Variants in FANCE observed in about 807,000 individuals in gnomAD.
FANCE encodes Fanconi anemia group E protein.
Under a neutral mutation model 57.8 loss-of-function variants are expected in FANCE, and 42 were observed. The observed-to-expected ratio is 0.73, with a 90% CI of 0.57 to 0.94. The LOEUF is 0.94. Ranked by LOEUF, FANCE falls within the 40% of genes least tolerant of loss-of-function variation. The pLI is 0.00. For synonymous variants in FANCE, 251 were observed against 286.4 expected, an observed-to-expected ratio of 0.88 and a Z score of 1.25; for missense variants, 608 against 661.8, an observed-to-expected ratio of 0.92 and a Z score of 0.89.
intron 5 of FANCE, 81 bp from the exon 6 acceptor site, chr6:35,459,250 C>T (rs1767488015): frequency 1.3e-6 from 2 of 1,555,126 alleles, no homozygotes; most frequent in Non-Finnish European, 8.8e-7. Context: ...TAACATGTAT[C>T]ATCATCTGAA....
At chr6:35,462,682 G>A in intron 8 of FANCE, 107 bp from the exon 9 acceptor site, 1 of 1,492,594 alleles carries the variant, frequency 6.7e-7, no homozygotes, top group Non-Finnish European at 9.2e-7. Flanking sequence ...ACCTGCCCAG[G>A]GTCACCTAGC....
At chr6:35,457,746 G>T in intron 3 of FANCE, 146 bp downstream of exon 3, 1 of 1,122,714 alleles carries the variant, frequency 8.9e-7, no homozygotes. Context: ...GTCTCTGAAG[G>T]AGCTTTTCTT....
intron 8 of FANCE, among the ~76,000 whole-genome samples, chr6:35,461,507 A>C (rs1214541576): frequency 6.6e-6 from 1 of 151,802 alleles, no homozygotes; most frequent in Non-Finnish European, 1.5e-5. Context: ...TTTCCCTCCT[A>C]CTTTTTTGGA....
chr6:35,459,614 G>T (rs767772525), intron 6 of FANCE, 68 bp from the exon 7 acceptor site: 1 of 1,580,932 alleles, frequency 6.3e-7, no homozygotes. Flanking sequence ...TTCTGTTACC[G>T]CCTCCCTGCT....
In FANCE at chr6:35,455,782, A is replaced by T. The variant is rs149097636; in HGVS notation, c.284A>T (p.Gln95Leu). The change falls in exon 2 of 10, where the codon CAG becomes CTG. Residue 95 changes from glutamine (Q) to leucine (L), a missense_variant. Gln to Leu is a moderately radical substitution (Grantham distance 113, BLOSUM62 -2). Coordinates refer to ENST00000229769, the MANE Select transcript of FANCE (RefSeq NM_021922.3). ...PLLLRLPRIC[Q>L]RNLMSLLMAV... ...TTGCTGCGATTGCCCCGGATATGCC[A>T]GAGGAACCTGATGTCCCTGCTGATG... 6.2e-7 allele frequency: 1 copy of T among 1,614,184 alleles called. No homozygotes were observed. Among genetic ancestry groups the T allele is most frequent in the African/African-American group, 1.3e-5 (1 of 75,058 alleles).
chr6:35,456,487 G>GAGACTGGGTTTAGAGTGATCT lies in FANCE; in HGVS notation c.855+134_855+135insAGACTGGGTTTAGAGTGATCT. The GAGACTGGGTTTAGAGTGATCT allele has an allele frequency of 8.3e-7, 1 of 1,202,394 alleles. No homozygotes were observed. The highest frequency in any genetic ancestry group is 1.2e-6 in the Non-Finnish European group (1 of 812,692). 74.5% of individuals were successfully genotyped at this position (1,202,394 alleles called of 1,614,324 possible). A position where few individuals can be genotyped will look rare whatever the true frequency, so the allele number is the denominator to read the frequency against. ...CTGGAGGAAGAAGGAGGAAGGTAGG[G>GAGACTGGGTTTAGAGTGATCT]TTGAGGGAATGTAGCCTCCACTCTA... On this transcript the variant is annotated intron_variant, in intron 2 of 9. Coordinates refer to ENST00000229769, the MANE Select transcript of FANCE (RefSeq NM_021922.3). The surrounding 1 kb of genome is among the most constrained non-coding windows in gnomAD (Gnocchi z 4.3).
At chr6:35,457,714 C>A in intron 3 of FANCE, 114 bp downstream of exon 3, 2 of 1,273,512 alleles carry the variant, frequency 1.6e-6, no homozygotes, top group East Asian at 2.4e-5. Context: ...GGGAGGGGGA[C>A]TGGAGTAAAG....
intron 1 of FANCE, 60 bp downstream of exon 1, chr6:35,452,853 GAC>G (rs1767167930): frequency 1.6e-6 from 2 of 1,261,258 alleles, no homozygotes; most frequent in Admixed American, 4.0e-5. Flanking sequence ...TCGGGGGAAC[GAC>G]ACACACAGAG....
rs1053272375 is a variant in FANCE at position 35,466,976 on chromosome 6, C to G, written c.*631C>G. 3 of 226,890 alleles carry G rather than the reference C, an allele frequency of 1.3e-5. No individual in the cohort carries two copies. Among genetic ancestry groups the G allele is most frequent in the East Asian group, 1.3e-4 (2 of 15,500 alleles). The allele number at this position is 226,890 out of a possible 1,614,324, so 14.1% of individuals were successfully genotyped here. A position where few individuals can be genotyped will look rare whatever the true frequency, so the allele number is the denominator to read the frequency against. ...CGACCCAGAGTGGGCATGGGATGCT[C>G]CAGGAGGTCTGGGGTACCAGTGGGC... is the stretch of plus-strand genomic sequence containing the variant. On this transcript the variant is annotated 3_prime_UTR_variant, in exon 10 of 10. Coordinates refer to ENST00000229769, the MANE Select transcript of FANCE (RefSeq NM_021922.3).
In FANCE at chr6:35,456,532, GAGA is replaced by G. The variant is rs1767351316; in HGVS notation, c.855+180_855+182del. ...ACTCTACAGACTCTTTTTTTTTTTTGAGATGGAGTTTTGCTCTTGTTGCCCAGG... is the reference window on the plus strand; with the variant it reads ...ACTCTACAGACTCTTTTTTTTTTTTGTGGAGTTTTGCTCTTGTTGCCCAGG... On this transcript the variant is annotated intron_variant, in intron 2 of 9. Coordinates refer to ENST00000229769, the MANE Select transcript of FANCE (RefSeq NM_021922.3). This position sits in a 1 kb window ranked among gnomAD's most constrained non-coding sequence, Gnocchi z 4.3. Among the ~76,000 whole-genome samples, 1 of 147,514 alleles carries G rather than the reference GAGA, an allele frequency of 6.8e-6. No homozygotes were observed.
chr6:35,458,755 C>A (rs1396508597), intron 5 of FANCE, among the ~76,000 whole-genome samples: 1 of 151,946 alleles, frequency 6.6e-6, no homozygotes, highest in Non-Finnish European at 1.5e-5. Context: ...GTGCCTTCCA[C>A]CATGCCTGGC....
rs747727711 is a variant in FANCE at position 35,456,090 on chromosome 6, G to A, written c.592G>A (p.Gly198Arg). ...EEENRDSQQP[G>R]KRRKDSEEEA... Reference sequence around the variant, plus strand: ...GGAGAACAGGGACTCCCAGCAGCCTGGGAAACGCAGAAAGGACTCAGAGGA... The same window carrying A: ...GGAGAACAGGGACTCCCAGCAGCCTAGGAAACGCAGAAAGGACTCAGAGGA... The change falls in exon 2 of 10, where the codon GGG becomes AGG. Residue 198 changes from glycine to arginine, a missense_variant. By Grantham distance (125) the Gly-to-Arg change is moderately radical. Transcript: ENST00000229769. The surrounding 1 kb of genome is among the most constrained non-coding windows in gnomAD (Gnocchi z 4.3). 12 of 1,613,874 alleles carry A rather than the reference G, an allele frequency of 7.4e-6. No individual in the cohort carries two copies. In the East Asian group the frequency reaches 2.7e-4, roughly 36 times the overall value.
chr6:35,463,028 C>G (rs1561794729), intron 9 of FANCE, 114 bp downstream of exon 9: 1 of 1,431,578 alleles, frequency 7.0e-7, no homozygotes, highest in Non-Finnish European at 9.7e-7. Context: ...TGGCCAGGCA[C>G]GGTGGCTCAC....
chr6:35,461,190 C>T (rs1223186413), intron 8 of FANCE, among the ~76,000 whole-genome samples: 1 of 151,642 alleles, frequency 6.6e-6, no homozygotes, highest in African/African-American at 2.4e-5. Flanking sequence ...GCCACCACAC[C>T]GGCTAATTTT....
At chr6:35,459,247 T>C (rs915683575) in intron 5 of FANCE, 84 bp from the exon 6 acceptor site, 2 of 1,554,718 alleles carry the variant, frequency 1.3e-6, no homozygotes, top group East Asian at 4.5e-5. Context: ...TTGTAACATG[T>C]ATCATCATCT....
rs754902316 is a variant in FANCE at position 35,458,361 on chromosome 6, G to GCACCTGGCTGCTGGCCCTTT, written c.1041_1060dup (p.Asp354GlyfsTer17). On this transcript the variant is annotated frameshift_variant, in exon 5 of 10. Transcript: ENST00000229769. LOFTEE classifies it high-confidence loss of function. ...TCAGACCTCGGTCTCCTGCGGCTCT[G>GCACCTGGCTGCTGGCCCTTT]CACCTGGCTGCTGGCCCTTTCACCT... The GCACCTGGCTGCTGGCCCTTT allele has an allele frequency of 6.2e-7, 1 of 1,614,178 alleles. No individual in the cohort carries two copies. Among genetic ancestry groups the GCACCTGGCTGCTGGCCCTTT allele is most frequent in the Admixed American group, 1.7e-5 (1 of 60,028 alleles).
chr6:35,459,535 G>A, intron 6 of FANCE, 81 bp downstream of exon 6: 1 of 1,607,446 alleles, frequency 6.2e-7, no homozygotes, highest in Non-Finnish European at 8.5e-7. Context: ...GGCCCTGGCA[G>A]GAGTTGGGTA....
Position 35,452,538 on chromosome 6 carries a change from G to T in FANCE, c.-8G>T. The T allele has an allele frequency of 7.7e-7, 1 of 1,306,414 alleles. No individual in the cohort carries two copies. Among genetic ancestry groups the T allele is most frequent in the Non-Finnish European group, 9.8e-7 (1 of 1,024,592 alleles). The allele number at this position is 1,306,414 out of a possible 1,614,324, so 80.9% of individuals were successfully genotyped here. A position where few individuals can be genotyped will look rare whatever the true frequency, so the allele number is the denominator to read the frequency against. ...GAGTAGGGGGCGGCGCGGCACCCGT[G>T]CCCCGGCATGGCGACACCGGACGCG... On this transcript the variant is annotated 5_prime_UTR_variant, in exon 1 of 10. Coordinates refer to ENST00000229769, the MANE Select transcript of FANCE (RefSeq NM_021922.3).
chr6:35,460,587 T>C lies in FANCE; in HGVS notation c.1352T>C (p.Phe451Ser). 2 of 1,614,076 alleles carry C rather than the reference T, an allele frequency of 1.2e-6. No individual in the cohort carries two copies. The highest frequency in any genetic ancestry group is 2.2e-5 in the East Asian group (1 of 44,878). The part of the protein sequence containing the change: ...ILELPWKEET[F>S]LVLQSLLERQ... ...GAGCTGCCCTGGAAGGAGGAAACTT[T>C]CTTGGTGTTGCAGTCACTCCTAGAG... Residue 451 changes from phenylalanine to serine, a missense_variant, in exon 8 of 10, where the codon TTC becomes TCC. Coordinates refer to ENST00000229769, the MANE Select transcript of FANCE (RefSeq NM_021922.3).
Sources: gnomAD v4.1 joint callset for allele counts (sites outside exome capture counted in the v4.1 genomes callset) on GRCh38, gnomAD v4.1.1 for gene constraint, Gnocchi (gnomAD v3.1) non-coding constraint, MANE v1.5 for transcripts, NCBI Gene and HGNC (gene_info 2026-07-23, HGNC 2026-07-21) for gene names.